KLHDC3: variants seen among roughly 807,000 people sequenced by gnomAD.
The protein encoded by KLHDC3 is kelch domain-containing protein 3.
In KLHDC3, 5 loss-of-function variants were observed where a neutral mutation model predicts 44.1. That is an observed-to-expected ratio of 0.11 (90% CI 0.06 to 0.24). The LOEUF is 0.24. Ranked by LOEUF, KLHDC3 falls within the 10% of genes least tolerant of loss-of-function variation. KLHDC3 has a pLI of 1.00. For synonymous variants in KLHDC3, 170 were observed against 189.0 expected (o/e 0.90, Z 0.82); for missense variants, 247 against 514.3 (o/e 0.48, Z 5.03).
rs1015148903 is a variant in KLHDC3 at position 43,018,042 on chromosome 6, A to G, written c.447+74A>G. 35 of 1,444,530 alleles carry G rather than the reference A, an allele frequency of 2.4e-5. No homozygotes were observed. In the Admixed American group the frequency reaches 5.7e-4, roughly 23 times the overall value. 89.5% of individuals were successfully genotyped at this position (1,444,530 alleles called of 1,614,324 possible). A position where few individuals can be genotyped will look rare whatever the true frequency, so the allele number is the denominator to read the frequency against. On this transcript the variant is annotated intron_variant, in intron 4 of 10. Coordinates refer to ENST00000326974, the MANE Select transcript of KLHDC3 (RefSeq NM_057161.4). The surrounding 1 kb of genome is among the most constrained non-coding windows in gnomAD (Gnocchi z 6.0). ...GGGAAGGGCAATTTAGGATGGTGAAATGGGAGGCTTTGGCTTGTTTGCAGG... is the reference window on the plus strand; with the variant it reads ...GGGAAGGGCAATTTAGGATGGTGAAGTGGGAGGCTTTGGCTTGTTTGCAGG...
rs953483235 is a variant in KLHDC3, at chr6:43,018,080, G to C, written c.448-65G>C. On this transcript the variant is annotated intron_variant, in intron 4 of 10. Coordinates refer to ENST00000326974, the MANE Select transcript of KLHDC3 (RefSeq NM_057161.4). The surrounding 1 kb of genome is among the most constrained non-coding windows in gnomAD (Gnocchi z 6.0). ...GCTTGTTTGCAGGTTTTGAGGGGAG[G>C]GATGGAGGGTCAGAGAGTGACCATT... 1 of 1,405,736 alleles carries C rather than the reference G, an allele frequency of 7.1e-7. No individual in the cohort carries two copies. Among genetic ancestry groups the C allele is most frequent in the Non-Finnish European group, 1.0e-6 (1 of 990,548 alleles). 87.1% of individuals were successfully genotyped at this position (1,405,736 alleles called of 1,614,324 possible).
Position 43,018,447 on chromosome 6 carries a change from C to T in KLHDC3, c.624C>T (p.Asn208=). ...ACCGCTTTGGGCCATTCCATTCCAA[C>T]AATGAGATTTACTGCAACCGCATTC... is the stretch of plus-strand genomic sequence containing the variant. ...RADRFGPFHS[N]NEIYCNRIRV... is the part of the protein sequence containing the mutation. Residue 208 remains asparagine, a synonymous_variant, in exon 6 of 11, where the codon AAC becomes AAT. Coordinates refer to ENST00000326974, the MANE Select transcript of KLHDC3 (RefSeq NM_057161.4). This position sits in a 1 kb window ranked among gnomAD's most constrained non-coding sequence, Gnocchi z 6.0. 1 of 1,614,188 alleles carries T rather than the reference C, an allele frequency of 6.2e-7. No individual in the cohort carries two copies. The highest frequency in any genetic ancestry group is 8.5e-7 in the Non-Finnish European group (1 of 1,180,020).
At position 43,018,114 on chromosome 6, in the gene KLHDC3, CT is replaced by C; in HGVS notation, c.448-27del. The stretch of plus-strand genomic sequence containing the variant: ...GTCAGAGAGTGACCATTGGCTCCCT[CT>C]TTTCTTCCTCCTTTTCTCTTCCTAC... On this transcript the variant is annotated intron_variant, in intron 4 of 10. Transcript: ENST00000326974. This position sits in a 1 kb window ranked among gnomAD's most constrained non-coding sequence, Gnocchi z 6.0. 1 of 1,556,972 alleles carries C rather than the reference CT, an allele frequency of 6.4e-7. No individual in the cohort carries two copies. The highest frequency in any genetic ancestry group is 8.9e-7 in the Non-Finnish European group (1 of 1,128,238).
At chr6:43,015,818 C>T (rs552476111) in intron 1 of KLHDC3, among the ~76,000 whole-genome samples, 50 of 145,958 alleles carry the variant, frequency 3.4e-4, no homozygotes, top group Non-Finnish European at 6.0e-4. Context: ...TGCACCATTG[C>T]GCTCCAGCCT....
intron 1 of KLHDC3, among the ~76,000 whole-genome samples, chr6:43,015,850 T>C (rs139529252): frequency 0.021 from 2,430 of 116,808 alleles, 37 homozygotes; most frequent in Middle Eastern, 0.055. Flanking sequence ...CGAGACTTCA[T>C]CTAAAAAAAA....
At chr6:43,019,463 A>G (rs1762644879) in intron 10 of KLHDC3, 97 bp downstream of exon 10, 1 of 799,880 alleles carries the variant, frequency 1.3e-6, no homozygotes, top group African/African-American at 1.7e-5. Context: ...GGAGACAGAC[A>G]TTTTTGTTCT....
Position 43,021,012 on chromosome 6 carries a change from C to G in KLHDC3, c.*279C>G. On this transcript the variant is annotated 3_prime_UTR_variant, in exon 11 of 11. Transcript: ENST00000326974. ...GGGCCTCAGCTCTGCCCAGGGCCAG[C>G]CAGGTTCTGCTGGGAAGGGAAGGGA... 5.0e-6 allele frequency: 3 copies of G among 594,198 alleles called. No homozygotes were observed. Among genetic ancestry groups the G allele is most frequent in the South Asian group, 4.6e-5 (3 of 65,780 alleles). The allele number at this position is 594,198 out of a possible 1,614,324, so 36.8% of individuals were successfully genotyped here.
chr6:43,019,198 A>G (rs746749386), intron 9 of KLHDC3, 33 bp downstream of exon 9: 1 of 1,564,328 alleles, frequency 6.4e-7, no homozygotes, highest in Admixed American at 1.7e-5. Flanking sequence ...TGCTCCTGCC[A>G]TCAAGGTCCC....
At position 43,021,230 on chromosome 6, in the gene KLHDC3, A is replaced by G. The variant is rs367876716; in HGVS notation, c.*497A>G. ...AGCAGATAAATCCCACCCTTCCTTG[A>G]GCTGTCGCTGTACTCTGAAGTTCAG... On this transcript the variant is annotated 3_prime_UTR_variant, in exon 11 of 11. Coordinates refer to ENST00000326974, the MANE Select transcript of KLHDC3 (RefSeq NM_057161.4). The G allele has an allele frequency of 1.0e-5, 4 of 390,924 alleles. No individual in the cohort carries two copies. The highest frequency in any genetic ancestry group is 2.1e-5 in the African/African-American group (1 of 48,056). 24.2% of individuals were successfully genotyped at this position (390,924 alleles called of 1,614,324 possible).
chr6:43,017,293 C>T lies in KLHDC3; in HGVS notation c.101C>T (p.Ser34Phe), dbSNP rs749536950. The T allele has an allele frequency of 1.2e-6, 2 of 1,614,142 alleles. No individual in the cohort carries two copies. Among genetic ancestry groups the T allele is most frequent in the Non-Finnish European group, 1.7e-6 (2 of 1,180,024 alleles). Residue 34 changes from serine (S) to phenylalanine (F), a missense_variant, in exon 2 of 11, where the codon TCT becomes TTT. Ser to Phe is a radical substitution (Grantham distance 155). Around this residue, in one of 2 missense-constraint regions of KLHDC3, gnomAD observed 71 missense variants for 100.8 expected, o/e 0.70. Coordinates refer to ENST00000326974, the MANE Select transcript of KLHDC3 (RefSeq NM_057161.4). This position sits in a 1 kb window ranked among gnomAD's most constrained non-coding sequence, Gnocchi z 6.0. ...HRVYSFGGYCSGEDYETLRQI... is the reference protein window; with the variant it reads ...HRVYSFGGYCFGEDYETLRQI... ...GTATACTCCTTCGGGGGTTACTGCT[C>T]TGGTGAAGACTATGAGACACTGCGT... is the stretch of plus-strand genomic sequence containing the variant.
At chr6:43,019,426 A>T in intron 10 of KLHDC3, 60 bp downstream of exon 10, 2 of 1,172,376 alleles carry the variant, frequency 1.7e-6, no homozygotes, top group Non-Finnish European at 2.6e-6. Context: ...CACAGGTGTG[A>T]CCTGATTAGC....
chr6:43,020,169 A>G (rs1299975938), intron 10 of KLHDC3, among the ~76,000 whole-genome samples: 2 of 152,078 alleles, frequency 1.3e-5, no homozygotes, highest in Non-Finnish European at 1.5e-5. Flanking sequence ...AGGTGACAGA[A>G]CAAGACTCAA....
In KLHDC3 at chr6:43,018,538, C is replaced by T; in HGVS notation, c.715C>T (p.Arg239Cys). 6.2e-7 allele frequency: 1 copy of T among 1,613,936 alleles called. No homozygotes were observed. The highest frequency in any genetic ancestry group is 8.5e-7 in the Non-Finnish European group (1 of 1,179,968). ...CCCGACTCCAGTGCTGCCTGAGGGG[C>T]GCCGGAGCCACTCGGCCTGTGAGTG... ...CPPTPVLPEG[R>C]RSHSAFGYNG... The change falls in exon 6 of 11, where the codon CGC becomes TGC. Residue 239 changes from arginine (R) to cysteine (C), a missense_variant. Around this residue, in one of 2 missense-constraint regions of KLHDC3, gnomAD observed 176 missense variants for 413.5 expected, o/e 0.43. Transcript: ENST00000326974. This position sits in a 1 kb window ranked among gnomAD's most constrained non-coding sequence, Gnocchi z 6.0.
At chr6:43,020,607 A>G in intron 10 of KLHDC3, 60 bp from the exon 11 acceptor site, 1 of 1,369,660 alleles carries the variant, frequency 7.3e-7, no homozygotes, top group East Asian at 2.3e-5. Flanking sequence ...TGGTTCAAAC[A>G]TCCCTTAGCT....
chr6:43,018,556 TGTGA>T lies in KLHDC3; in HGVS notation c.733+4_733+7del. On this transcript the variant is annotated splice_donor_variant and splice_donor_region_variant and intron_variant, in intron 6 of 10. Coordinates refer to ENST00000326974, the MANE Select transcript of KLHDC3 (RefSeq NM_057161.4). LOFTEE classifies it high-confidence loss of function. The surrounding 1 kb of genome is among the most constrained non-coding windows in gnomAD (Gnocchi z 6.0). ...TGAGGGGCGCCGGAGCCACTCGGCCTGTGAGTGTTTGTTACTTCCCTGTGGAGTT... is the reference window on the plus strand; with the variant it reads ...TGAGGGGCGCCGGAGCCACTCGGCCTGTGTTTGTTACTTCCCTGTGGAGTT... The T allele has an allele frequency of 6.2e-7, 1 of 1,613,892 alleles. No homozygotes were observed. The highest frequency in any genetic ancestry group is 8.5e-7 in the Non-Finnish European group (1 of 1,179,850).
Position 43,018,108 on chromosome 6 carries a change from C to A in KLHDC3, c.448-37C>A. The A allele has an allele frequency of 6.7e-7, 1 of 1,493,014 alleles. No homozygotes were observed. The highest frequency in any genetic ancestry group is 9.3e-7 in the Non-Finnish European group (1 of 1,069,808). 92.5% of individuals were successfully genotyped at this position (1,493,014 alleles called of 1,614,324 possible). On this transcript the variant is annotated intron_variant, in intron 4 of 10. Transcript: ENST00000326974. This position sits in a 1 kb window ranked among gnomAD's most constrained non-coding sequence, Gnocchi z 6.0. ...TGGAGGGTCAGAGAGTGACCATTGG[C>A]TCCCTCTTTTCTTCCTCCTTTTCTC...
Position 43,017,749 on chromosome 6 carries a change from C to G in KLHDC3, c.331+54C>G. ...CCTTCCAGATGTTGCCTCAGTTGCCCAAGAAAGGTTTGGGTTGGGGGTCTT... is the reference window on the plus strand; with the variant it reads ...CCTTCCAGATGTTGCCTCAGTTGCCGAAGAAAGGTTTGGGTTGGGGGTCTT... On this transcript the variant is annotated intron_variant, in intron 3 of 10. Transcript: ENST00000326974. The surrounding 1 kb of genome is among the most constrained non-coding windows in gnomAD (Gnocchi z 6.0). 6.3e-7 allele frequency: 1 copy of G among 1,599,712 alleles called. No homozygotes were observed. The highest frequency in any genetic ancestry group is 8.5e-7 in the Non-Finnish European group (1 of 1,169,910).
chr6:43,015,095 C>T (rs1425587445), intron 1 of KLHDC3, among the ~76,000 whole-genome samples: 1 of 152,160 alleles, frequency 6.6e-6, no homozygotes, highest in East Asian at 1.9e-4. Flanking sequence ...CTTGACATAT[C>T]TGAAGGGAAG....
intron 1 of KLHDC3, among the ~76,000 whole-genome samples, chr6:43,014,928 A>C (rs1258638697): frequency 6.6e-6 from 1 of 152,190 alleles, no homozygotes; most frequent in Non-Finnish European, 1.5e-5. Flanking sequence ...GTGGTGATGG[A>C]GGACTGGGGA....
Sources: allele counts gnomAD v4.1 joint callset (sites outside exome capture counted in the v4.1 genomes callset), GRCh38; gene constraint gnomAD v4.1.1; regional missense constraint gnomAD v4.1.1; non-coding constraint Gnocchi (gnomAD v3.1); transcripts MANE v1.5; gene names NCBI Gene and HGNC (gene_info 2026-07-23, HGNC 2026-07-21).